The following TRPS1 variants were observed in gnomAD, a reference collection of about 807,000 sequenced individuals.
TRPS1 encodes the protein zinc finger transcription factor Trps1.
TRPS1 carries 6 observed loss-of-function variants against 101.2 expected under a neutral mutation model. The ratio of observed to expected loss-of-function variants is 0.06; its 90% CI spans 0.03 to 0.12. The LOEUF (loss-of-function observed/expected upper bound fraction) is 0.12. TRPS1 is among the 10% of genes least tolerant of loss of function. The pLI is 1.00. For missense variants in TRPS1, 1,363 were observed against 1,567.0 expected (o/e 0.87, Z 2.20); for synonymous variants, 578 against 589.8 (o/e 0.98, Z 0.29).
At chr8:115,630,171 C>G (rs914222738) in intron 1 of TRPS1, among the ~76,000 whole-genome samples, 1 of 151,888 alleles carries the variant, frequency 6.6e-6, no homozygotes, top group Non-Finnish European at 1.5e-5. Flanking sequence ...ACCACAAGTT[C>G]CTTCTGGACC....
intron 5 of TRPS1, among the ~76,000 whole-genome samples, chr8:115,435,810 G>A (rs1002417475): frequency 5.9e-5 from 9 of 152,204 alleles, no homozygotes; most frequent in Admixed American, 4.6e-4. Flanking sequence ...ATTTATAAAC[G>A]TCTTATTACT....
intron 5 of TRPS1, among the ~76,000 whole-genome samples, chr8:115,562,876 CTGTGTGTGTGTGTGTGTGTGTGTGTGTG>C (rs10588354): frequency 7.5e-6 from 1 of 132,592 alleles, no homozygotes; most frequent in Admixed American, 7.9e-5. Context: ...CCCACAGTGT[CTGTGTGTGTGTGTGTGTGTGTGTGTGTG>C]TGTGTGTGTG....
intron 5 of TRPS1, among the ~76,000 whole-genome samples, chr8:115,432,291 G>A (rs1180636): frequency 1 from 151,863 of 151,866 alleles, 75,930 homozygotes; most frequent in Non-Finnish European, 1. Context: ...CAGTTACTAC[G>A]TGCTTCAAAA....
At chr8:115,498,415 C>CTCTCTCTCTCTATATA (rs1486361297) in intron 5 of TRPS1, among the ~76,000 whole-genome samples, 2 of 39,316 alleles carry the variant, frequency 5.1e-5, no homozygotes, top group African/African-American at 1.1e-4. Flanking sequence ...CTCTCTCTCT[C>CTCTCTCTCTCTATATA]TATATATATA....
At chr8:115,448,820 T>C (rs765953985) in intron 5 of TRPS1, among the ~76,000 whole-genome samples, 9 of 152,234 alleles carry the variant, frequency 5.9e-5, no homozygotes, top group Non-Finnish European at 1.0e-4. Flanking sequence ...ATGTTATTAG[T>C]TTGCCCTTGA....
At chr8:115,416,736 G>A (rs1485483078) in intron 6 of TRPS1, among the ~76,000 whole-genome samples, 2 of 152,066 alleles carry the variant, frequency 1.3e-5, no homozygotes, top group African/African-American at 4.8e-5. Context: ...ATACTTCCAA[G>A]TGAAGAAAGA....
chr8:115,446,915 A>G (rs1010787348), intron 5 of TRPS1, among the ~76,000 whole-genome samples: 5 of 152,106 alleles, frequency 3.3e-5, no homozygotes, highest in Admixed American at 2.6e-4. Flanking sequence ...ATTTGGGATG[A>G]CACATTTCCT....
chr8:115,475,218 T>C (rs962908849), intron 5 of TRPS1, among the ~76,000 whole-genome samples: 1 of 146,352 alleles, frequency 6.8e-6, no homozygotes. Context: ...GGTGAATAAC[T>C]TCTAGGGATG....
chr8:115,537,331 T>TG (rs1422744685), intron 5 of TRPS1, among the ~76,000 whole-genome samples: 1 of 152,166 alleles, frequency 6.6e-6, no homozygotes, highest in Non-Finnish European at 1.5e-5. Flanking sequence ...GTTCTCAAAA[T>TG]TATACATGTA....
chr8:115,575,132 G>C (rs918315278), intron 5 of TRPS1, among the ~76,000 whole-genome samples: 1 of 152,030 alleles, frequency 6.6e-6, no homozygotes, highest in Non-Finnish European at 1.5e-5. Flanking sequence ...AAAATCGCAA[G>C]CAAGTTGCAA....
At chr8:115,533,449 T>TTTTTTTTTTTTTTG (rs1816197365) in intron 5 of TRPS1, among the ~76,000 whole-genome samples, 2 of 123,322 alleles carry the variant, frequency 1.6e-5, no homozygotes, top group Non-Finnish European at 1.6e-5. Context: ...TTTTTTTTTT[T>TTTTTTTTTTTTTTG]TTTTTTTTTT....
chr8:115,491,058 T>TA (rs1292931739), intron 5 of TRPS1, among the ~76,000 whole-genome samples: 8 of 152,220 alleles, frequency 5.3e-5, no homozygotes, highest in Non-Finnish European at 7.3e-5. Flanking sequence ...GATGTCAGTT[T>TA]ATGGTAACAA....
chr8:115,596,718 T>G (rs1029874883), intron 4 of TRPS1, among the ~76,000 whole-genome samples: 15 of 151,444 alleles, frequency 9.9e-5, no homozygotes, highest in Admixed American at 2.6e-4. Context: ...ATATATCATA[T>G]GTATGTATAC....
chr8:115,535,094 G>T (rs566533408), intron 5 of TRPS1, among the ~76,000 whole-genome samples: 1 of 145,330 alleles, frequency 6.9e-6, no homozygotes, highest in Non-Finnish European at 1.5e-5. Flanking sequence ...CATATATATC[G>T]CATATGTATA....
intron 5 of TRPS1, among the ~76,000 whole-genome samples, chr8:115,421,011 G>C (rs1330422878): frequency 2.7e-5 from 4 of 146,888 alleles, no homozygotes; most frequent in Admixed American, 1.4e-4. Flanking sequence ...TTTTGAGACA[G>C]AGTCTCACTC....
chr8:115,575,090 C>A (rs1022296159), intron 5 of TRPS1, among the ~76,000 whole-genome samples: 1 of 152,052 alleles, frequency 6.6e-6, no homozygotes, highest in African/African-American at 2.4e-5. Context: ...CATAGAGGAG[C>A]CTGACTGTTG....
rs879274637 is a variant in TRPS1, at chr8:115,607,802, C to A, written c.967-2800G>T. Among the ~76,000 whole-genome samples, 39 of 151,980 alleles carry A rather than the reference C, an allele frequency of 2.6e-4. 1 individual carries two copies. Among genetic ancestry groups the A allele is most frequent in the Admixed American group, 1.4e-3 (22 of 15,250 alleles). ...AGCTCTATTTGTGGCAATTTTTATACTTTCTATACTGGTAGATGTACACTC... is the reference window on the plus strand; with the variant it reads ...AGCTCTATTTGTGGCAATTTTTATAATTTCTATACTGGTAGATGTACACTC... On this transcript the variant is annotated intron_variant, in intron 3 of 6. Transcript: ENST00000395715.
At chr8:115,661,713 C>A (rs1333904564) in intron 1 of TRPS1, 2 of 150,802 alleles carry the variant, frequency 1.3e-5, no homozygotes, top group African/African-American at 4.9e-5. Flanking sequence ...TTTAAGTAAA[C>A]CTTAAGGGGA....
chr8:115,647,002 GT>G (rs1381786422), intron 1 of TRPS1, among the ~76,000 whole-genome samples: 1 of 142,270 alleles, frequency 7.0e-6, no homozygotes, highest in African/African-American at 2.4e-5. Flanking sequence ...TCCTTATGTT[GT>G]TTTTTGTTTA....
Sources: allele counts gnomAD v4.1 joint callset (sites outside exome capture counted in the v4.1 genomes callset), GRCh38; gene constraint gnomAD v4.1.1; transcripts MANE v1.5; gene names NCBI Gene and HGNC (gene_info 2026-07-23, HGNC 2026-07-21).